Variants in DMRT1 observed in about 807,000 individuals in gnomAD.
The protein encoded by DMRT1 is doublesex and mab-3 related transcription factor 1, also known as doublesex- and mab-3-related transcription factor 1.
A neutral mutation model predicts 32.3 loss-of-function variants in DMRT1; 7 were observed. That is an observed-to-expected ratio of 0.22 (90% CI 0.12 to 0.41). DMRT1 has a LOEUF of 0.41. Among genes scored for constraint, DMRT1 ranks in the 10% least tolerant of loss-of-function variants. DMRT1 has a pLI of 1.00. For missense variants in DMRT1, 625 were observed against 500.5 expected (o/e 1.25, Z -2.37); for synonymous variants, 278 against 206.1 (o/e 1.35, Z -2.99).
At chr9:951,930 G>A (rs1369186262) in intron 4 of DMRT1, among the ~76,000 whole-genome samples, 1 of 152,192 alleles carries the variant, frequency 6.6e-6, no homozygotes, top group Non-Finnish European at 1.5e-5. Context: ...GGAAGGGAGG[G>A]GGGCCAGTGT....
intron 2 of DMRT1, among the ~76,000 whole-genome samples, chr9:887,847 A>G (rs1044636314): frequency 6.6e-6 from 1 of 152,182 alleles, no homozygotes; most frequent in African/African-American, 2.4e-5. Flanking sequence ...ATAGATGGCA[A>G]ATTCTTAAGA....
intron 4 of DMRT1, among the ~76,000 whole-genome samples, chr9:942,824 G>C (rs1819119550): frequency 6.6e-6 from 1 of 151,838 alleles, no homozygotes; most frequent in Non-Finnish European, 1.5e-5. Context: ...AGAGACTTTT[G>C]AACTTCTTTA....
intron 2 of DMRT1, among the ~76,000 whole-genome samples, chr9:861,932 T>C (rs1815714309): frequency 7.0e-6 from 1 of 142,352 alleles, no homozygotes; most frequent in Admixed American, 7.0e-5. Flanking sequence ...GCTCCCAACA[T>C]CCCAGATGAT....
At chr9:885,651 T>G (rs746446938) in intron 2 of DMRT1, among the ~76,000 whole-genome samples, 22 of 152,118 alleles carry the variant, frequency 1.4e-4, no homozygotes, top group Non-Finnish European at 2.5e-4. Context: ...AGGGGTTTTG[T>G]AGACACAGGA....
chr9:911,433 A>AATTGC (rs950499076), intron 3 of DMRT1, among the ~76,000 whole-genome samples: 10 of 143,058 alleles, frequency 7.0e-5, no homozygotes, highest in Non-Finnish European at 9.1e-5. Flanking sequence ...TTTAGTTTGA[A>AATTGC]ATTGCATTCT....
chr9:926,281 A>G (rs1818521201), intron 4 of DMRT1, among the ~76,000 whole-genome samples: 1 of 152,184 alleles, frequency 6.6e-6, no homozygotes, highest in Non-Finnish European at 1.5e-5. Context: ...TTTTCCTTTT[A>G]TTTAATAAGA....
chr9:910,443 A>T (rs986690281), intron 3 of DMRT1, among the ~76,000 whole-genome samples: 1 of 152,084 alleles, frequency 6.6e-6, no homozygotes, highest in Non-Finnish European at 1.5e-5. Context: ...ATTCACCTGG[A>T]TAGACTGTTC....
At chr9:906,618 A>G (rs922958491) in intron 3 of DMRT1, among the ~76,000 whole-genome samples, 1 of 152,196 alleles carries the variant, frequency 6.6e-6, no homozygotes, top group Non-Finnish European at 1.5e-5. Context: ...GGGAACAGAT[A>G]TGGATGCCTC....
chr9:860,557 T>C (rs1340790532), intron 2 of DMRT1, among the ~76,000 whole-genome samples: 1 of 152,192 alleles, frequency 6.6e-6, no homozygotes, highest in East Asian at 1.9e-4. Context: ...GCAGGATATA[T>C]AGCAGTGCAT....
At chr9:847,353 T>C (rs1366034869) in intron 2 of DMRT1, among the ~76,000 whole-genome samples, 1 of 152,218 alleles carries the variant, frequency 6.6e-6, no homozygotes, top group Non-Finnish European at 1.5e-5. Context: ...CTCTTTCCTG[T>C]TGGTTATTAG....
At chr9:895,766 T>C (rs1586581926) in intron 3 of DMRT1, among the ~76,000 whole-genome samples, 1 of 152,112 alleles carries the variant, frequency 6.6e-6, no homozygotes, top group East Asian at 1.9e-4. Context: ...TGCTGTATGT[T>C]AGATTCCCAG....
chr9:926,437 G>A (rs545071182), intron 4 of DMRT1, among the ~76,000 whole-genome samples: 7 of 152,232 alleles, frequency 4.6e-5, no homozygotes, highest in Admixed American at 3.9e-4. Flanking sequence ...GTGGGCATCA[G>A]CTGTTAAGTG....
intron 2 of DMRT1, among the ~76,000 whole-genome samples, chr9:864,674 G>C (rs1009929257): frequency 1.3e-5 from 2 of 150,986 alleles, no homozygotes; most frequent in South Asian, 2.1e-4. Flanking sequence ...AATTTTTTTT[G>C]TATTTTTAGT....
chr9:928,228 A>G (rs1818591231), intron 4 of DMRT1, among the ~76,000 whole-genome samples: 1 of 152,356 alleles, frequency 6.6e-6, no homozygotes, highest in East Asian at 1.9e-4. Flanking sequence ...CCATAAAAAA[A>G]TAATATTCAG....
chr9:854,771 C>T (rs1381240726), intron 2 of DMRT1, among the ~76,000 whole-genome samples: 2 of 107,914 alleles, frequency 1.9e-5, no homozygotes, highest in Admixed American at 9.7e-5. Context: ...AAACAAAACT[C>T]CTTTTTTTTT....
intron 2 of DMRT1, among the ~76,000 whole-genome samples, chr9:885,296 AG>A (rs1421693474): frequency 2.0e-5 from 3 of 152,176 alleles, no homozygotes; most frequent in African/African-American, 7.2e-5. Flanking sequence ...GCAAGGATAG[AG>A]GGCTTTCTGT....
chr9:900,999 A>AG (rs200502480), intron 3 of DMRT1, among the ~76,000 whole-genome samples: 1 of 85,266 alleles, frequency 1.2e-5, no homozygotes, highest in Non-Finnish European at 3.3e-5. Context: ...GCTCTACTTC[A>AG]GTTTTTTTTT....
chr9:892,614 C>T (rs1043969099), intron 2 of DMRT1, among the ~76,000 whole-genome samples: 4 of 152,182 alleles, frequency 2.6e-5, no homozygotes, highest in African/African-American at 9.7e-5. Flanking sequence ...GGTTCCCTAG[C>T]AGGTCTTTCT....
chr9:907,253 T>A (rs941978751), intron 3 of DMRT1, among the ~76,000 whole-genome samples: 1 of 152,250 alleles, frequency 6.6e-6, no homozygotes, highest in Non-Finnish European at 1.5e-5. Flanking sequence ...GCCATTTTAC[T>A]GAAACTCTGT....
Sources: gnomAD v4.1 joint callset for allele counts (sites outside exome capture counted in the v4.1 genomes callset) on GRCh38, gnomAD v4.1.1 for gene constraint, MANE v1.5 for transcripts, NCBI Gene and HGNC (gene_info 2026-07-23, HGNC 2026-07-21) for gene names.